C11orf52: variants seen among roughly 807,000 people sequenced by gnomAD.
C11orf52 encodes uncharacterized protein C11orf52.
A neutral mutation model predicts 11.7 loss-of-function variants in C11orf52; 9 were observed. That is an observed-to-expected ratio of 0.77 (90% confidence interval 0.46 to 1.34). The LOEUF is 1.34. Ranked by LOEUF, C11orf52 falls within the 40% of genes most tolerant of loss-of-function variation. C11orf52 has a pLI of 0.00. For missense variants in C11orf52, 139 were observed against 154.8 expected, an observed-to-expected ratio of 0.90 and a Z score of 0.54; for synonymous variants, 49 against 57.4, an observed-to-expected ratio of 0.85 and a Z score of 0.66.
At chr11:111,919,779 C>T (rs587700910) in intron 1 of C11orf52, among the ~76,000 whole-genome samples, 16 of 152,332 alleles carry the variant, frequency 1.1e-4, no homozygotes, top group African/African-American at 3.8e-4. Flanking sequence ...GGTCACATGG[C>T]TGGTAAGCAA....
At chr11:111,925,059 G>A (rs1318586646) in intron 2 of C11orf52, among the ~76,000 whole-genome samples, 3 of 152,184 alleles carry the variant, frequency 2.0e-5, no homozygotes, top group African/African-American at 7.2e-5. Context: ...AGGAGATGGA[G>A]GTTGCAGTGA....
intron 2 of C11orf52, 51 bp downstream of exon 2, chr11:111,924,414 C>CA (rs1555166764): frequency 1.4e-6 from 2 of 1,481,194 alleles, no homozygotes; most frequent in Non-Finnish European, 1.9e-6. Flanking sequence ...TTAGAGAAGA[C>CA]AATAGAACTC....
intron 1 of C11orf52, among the ~76,000 whole-genome samples, chr11:111,919,910 G>A (rs747339544): frequency 2.8e-4 from 43 of 152,206 alleles, no homozygotes; most frequent in Non-Finnish European, 5.7e-4. Flanking sequence ...TAAAAGGGCA[G>A]AAGTGCCAGG....
rs782781005 is a variant in C11orf52, at chr11:111,925,688, C to T, written c.106C>T (p.Gln36Ter). 12 of 1,614,128 alleles carry T rather than the reference C, an allele frequency of 7.4e-6. No homozygotes were observed. Among genetic ancestry groups the T allele is most frequent in the Admixed American group, 1.7e-5 (1 of 60,014 alleles). ...AAGACGGACACTGAAGCCGCAGCCA[C>T]AACAGCTGCAGCAGAATCTCCCAAA... The part of the protein sequence containing the change: ...QTRRTLKPQP[Q>*]QLQQNLPKGH... Residue 36 changes from glutamine (Q) to a stop codon, truncating the protein, a stop_gained, in exon 3 of 4, where the codon CAA (glutamine) becomes TAA (stop). Transcript: ENST00000278601. LOFTEE classifies it low-confidence loss of function (END_TRUNC).
chr11:111,923,740 T>C (rs782786199), intron 1 of C11orf52: 2 of 152,274 alleles, frequency 1.3e-5, no homozygotes, highest in African/African-American at 4.8e-5. Context: ...CAAAGTTCTC[T>C]AAAGGATGTT....
chr11:111,923,978 C>T (rs1566427543), intron 1 of C11orf52, among the ~76,000 whole-genome samples: 1 of 152,120 alleles, frequency 6.6e-6, no homozygotes, highest in Non-Finnish European at 1.5e-5. Context: ...AATATTCCAT[C>T]ATTTGACAGA....
At chr11:111,923,894 A>G (rs1336158921) in intron 1 of C11orf52, among the ~76,000 whole-genome samples, 1 of 152,164 alleles carries the variant, frequency 6.6e-6, no homozygotes, top group Non-Finnish European at 1.5e-5. Flanking sequence ...CCCAGAATAA[A>G]AGTCCCAGAT....
intron 2 of C11orf52, 68 bp downstream of exon 2, chr11:111,924,431 T>C: frequency 7.4e-7 from 1 of 1,342,714 alleles, no homozygotes; most frequent in South Asian, 1.2e-5. Context: ...ACTCCAATCT[T>C]TGGAAAGGGC....
rs118009277 is a variant in C11orf52, at chr11:111,925,507, C to G, written c.71-146C>G. Reference sequence around the variant, plus strand: ...ACCCTGCTAAGGAGTTTGGATTTAGCACTAGTAGACATGAAAGAAGTGAGA... The same window carrying G: ...ACCCTGCTAAGGAGTTTGGATTTAGGACTAGTAGACATGAAAGAAGTGAGA... On this transcript the variant is annotated intron_variant, in intron 2 of 3. Transcript: ENST00000278601. The G allele has an allele frequency of 7.9e-3, 6,154 of 778,214 alleles. 32 individuals are homozygous for G. The highest frequency in any genetic ancestry group is 0.027 in the Middle Eastern group (117 of 4,280). 48.2% of individuals were successfully genotyped at this position (778,214 alleles called of 1,614,324 possible). A position where few individuals can be genotyped will look rare whatever the true frequency, so the allele number is the denominator to read the frequency against.
At chr11:111,924,285 C>T (rs1566427916) in intron 1 of C11orf52, 41 bp from the exon 2 acceptor site, 5 of 1,602,322 alleles carry the variant, frequency 3.1e-6, no homozygotes, top group Non-Finnish European at 4.3e-6. Context: ...AGGCAGAGGC[C>T]AGGGCTCTTG....
At chr11:111,925,578 TA>T in intron 2 of C11orf52, 74 bp from the exon 3 acceptor site, 1 of 1,419,664 alleles carries the variant, frequency 7.0e-7, no homozygotes, top group Non-Finnish European at 9.9e-7. Context: ...AATAGTTTAA[TA>T]GTGATTTGAA....
intron 2 of C11orf52, among the ~76,000 whole-genome samples, chr11:111,925,199 G>GA (rs782115143): frequency 1.3e-3 from 185 of 139,590 alleles, no homozygotes; most frequent in Middle Eastern, 7.2e-3. Flanking sequence ...ATCAGCTCAT[G>GA]AAAAAAAAAA....
At position 111,926,511 on chromosome 11, in the gene C11orf52, G is replaced by T; in HGVS notation, c.*312G>T. ...GTTGCTCCTGCTCTTGCAAAGTGCA[G>T]AAAGAGCAGGTAAAAAGTTAGCCCA... On this transcript the variant is annotated 3_prime_UTR_variant, in exon 4 of 4. Coordinates refer to ENST00000278601, the MANE Select transcript of C11orf52 (RefSeq NM_080659.3). 2.5e-6 allele frequency: 1 copy of T among 404,502 alleles called. No individual in the cohort carries two copies. The highest frequency in any genetic ancestry group is 4.5e-6 in the Non-Finnish European group (1 of 220,474). 25.1% of individuals were successfully genotyped at this position (404,502 alleles called of 1,614,324 possible).
chr11:111,925,893 C>T lies in C11orf52; in HGVS notation c.133-67C>T. 3 of 1,605,048 alleles carry T rather than the reference C, an allele frequency of 1.9e-6. 1 individual carries two copies. In the South Asian group the frequency reaches 3.3e-5, roughly 18 times the overall value. ...AGCGAAGGGACATCAGTTGACCTGC[C>T]CCTGCATTGGAGGTGAGGGGCAAAA... On this transcript the variant is annotated intron_variant, in intron 3 of 3. Coordinates refer to ENST00000278601, the MANE Select transcript of C11orf52 (RefSeq NM_080659.3).
Position 111,926,164 on chromosome 11 carries a change from C to A in C11orf52, c.337C>A (p.Pro113Thr). The stretch of plus-strand genomic sequence containing the variant: ...GACCCTTCGCTTCCCCCAGGCCACA[C>A]CTCGCTATGACAGCAAGAACGGGAC... ...YATLRFPQAT[P>T]RYDSKNGTLV The change falls in exon 4 of 4, where the codon CCT (proline) becomes ACT (threonine). Residue 113 changes from proline (P) to threonine (T), a missense_variant. Transcript: ENST00000278601. The A allele has an allele frequency of 1.9e-6, 3 of 1,614,250 alleles. No individual in the cohort carries two copies. Among genetic ancestry groups the A allele is most frequent in the Non-Finnish European group, 2.5e-6 (3 of 1,180,052 alleles).
At chr11:111,922,192 A>G (rs1555166612) in intron 1 of C11orf52, among the ~76,000 whole-genome samples, 1 of 152,200 alleles carries the variant, frequency 6.6e-6, no homozygotes. Flanking sequence ...AATTTGCTGA[A>G]GTTCTCACAG....
intron 1 of C11orf52, among the ~76,000 whole-genome samples, chr11:111,921,476 G>A (rs1197126012): frequency 6.6e-6 from 1 of 152,138 alleles, no homozygotes; most frequent in Admixed American, 6.5e-5. Context: ...TATTAAGTTA[G>A]TAAAAAAGGC....
Position 111,926,415 on chromosome 11 carries a change from A to T in C11orf52, c.*216A>T. 1 of 672,386 alleles carries T rather than the reference A, an allele frequency of 1.5e-6. No individual in the cohort carries two copies. The highest frequency in any genetic ancestry group is 2.5e-6 in the Non-Finnish European group (1 of 406,590). 41.7% of individuals were successfully genotyped at this position (672,386 alleles called of 1,614,324 possible). On this transcript the variant is annotated 3_prime_UTR_variant, in exon 4 of 4. Coordinates refer to ENST00000278601, the MANE Select transcript of C11orf52 (RefSeq NM_080659.3). ...TAATAGTTGGTTTAGCTATGGGTGG[A>T]TAGCTAAACTTAGCTATCCACATGA...
intron 1 of C11orf52, among the ~76,000 whole-genome samples, chr11:111,920,699 G>A (rs1039782972): frequency 4.6e-5 from 7 of 152,162 alleles, no homozygotes; most frequent in Non-Finnish European, 1.0e-4. Context: ...TGGGGGTAGA[G>A]GCTGCAGTGA....
Sources: gnomAD v4.1 joint callset for allele counts (sites outside exome capture counted in the v4.1 genomes callset) on GRCh38, gnomAD v4.1.1 for gene constraint, MANE v1.5 for transcripts, NCBI Gene and HGNC (gene_info 2026-07-23, HGNC 2026-07-21) for gene names.